Variants in CCNY observed in about 807,000 individuals in gnomAD.
CCNY encodes the protein cyclin-Y.
Under a neutral mutation model 42.8 loss-of-function variants are expected in CCNY, and 19 were observed. That is an observed-to-expected ratio of 0.44 (90% confidence interval 0.31 to 0.65). CCNY has a LOEUF of 0.65. CCNY is among the 30% of genes least tolerant of loss of function. CCNY has a pLI of 0.07. For missense variants in CCNY, 370 were observed against 437.3 expected (o/e 0.85, Z 1.37); for synonymous variants, 165 against 162.7 (o/e 1.01, Z -0.11).
intron 2 of CCNY, among the ~76,000 whole-genome samples, chr10:35,495,941 G>A (rs1169418525): frequency 6.6e-6 from 1 of 152,156 alleles, no homozygotes; most frequent in Admixed American, 6.6e-5. Context: ...AAAACTGTAG[G>A]AACTGTGTGG....
At chr10:35,373,659 A>G (rs768078001) in intron 1 of CCNY, among the ~76,000 whole-genome samples, 34 of 152,130 alleles carry the variant, frequency 2.2e-4, no homozygotes, top group Non-Finnish European at 2.9e-4. Flanking sequence ...ATAATGATCC[A>G]CTTTCACTTA....
At chr10:35,498,291 C>T (rs895594257) in intron 2 of CCNY, among the ~76,000 whole-genome samples, 3 of 152,120 alleles carry the variant, frequency 2.0e-5, no homozygotes, top group East Asian at 1.9e-4. Flanking sequence ...ATACTGTGTG[C>T]GGCATAGAGC....
chr10:35,440,253 T>C (rs924883584), intron 1 of CCNY, among the ~76,000 whole-genome samples: 1 of 152,166 alleles, frequency 6.6e-6, no homozygotes, highest in Non-Finnish European at 1.5e-5. Context: ...GATTGTCTCC[T>C]TCTTCAGCTT....
intron 1 of CCNY, among the ~76,000 whole-genome samples, chr10:35,477,671 A>G (rs931112692): frequency 6.7e-6 from 1 of 149,866 alleles, no homozygotes; most frequent in East Asian, 2.0e-4. Context: ...ACAAACCCAC[A>G]GCCAATATCA....
intron 1 of CCNY, among the ~76,000 whole-genome samples, chr10:35,481,575 G>A (rs543900786): frequency 6.6e-6 from 1 of 152,172 alleles, no homozygotes; most frequent in East Asian, 1.9e-4. Flanking sequence ...GGTAGTAGTC[G>A]CTAGTCCAGA....
chr10:35,297,464 A>C (rs752556475), intron 3 of CCNY, among the ~76,000 whole-genome samples: 33 of 152,182 alleles, frequency 2.2e-4, no homozygotes, highest in Non-Finnish European at 4.3e-4. Context: ...AACCACTCCT[A>C]TTCAATATAG....
chr10:35,466,562 G>A (rs1207351448), intron 1 of CCNY, among the ~76,000 whole-genome samples: 2 of 152,166 alleles, frequency 1.3e-5, no homozygotes, highest in Non-Finnish European at 2.9e-5. Flanking sequence ...CTTCTATCAA[G>A]CCTCACACAG....
chr10:35,505,697 A>G (rs893717875), intron 3 of CCNY, among the ~76,000 whole-genome samples: 3 of 152,218 alleles, frequency 2.0e-5, no homozygotes, highest in African/African-American at 7.2e-5. Flanking sequence ...TTATAACACC[A>G]TATACGTATG....
At chr10:35,553,890 C>T (rs1207124722) in intron 8 of CCNY, among the ~76,000 whole-genome samples, 1 of 152,096 alleles carries the variant, frequency 6.6e-6, no homozygotes, top group Non-Finnish European at 1.5e-5. Context: ...TCTCTAGGGA[C>T]TGGGAATCCA....
At position 35,530,315 on chromosome 10, in the gene CCNY, G is replaced by A. The variant is rs1392084830; in HGVS notation, c.579+72G>A. ...CAGGGCCCGTTCCTGTTACTCAGCG[G>A]AGTGAGGTTGGAGCAGGGAATCCTC... On this transcript the variant is annotated intron_variant, in intron 7 of 9. Transcript: ENST00000374704. This position sits in a 1 kb window ranked among gnomAD's most constrained non-coding sequence, Gnocchi z 4.3. 7 of 1,593,060 alleles carry A rather than the reference G, an allele frequency of 4.4e-6. No individual in the cohort carries two copies. The African/African-American group carries it at 8.0e-5, about 18-fold the overall frequency.
chr10:35,569,279 T>A lies in CCNY; in HGVS notation c.*109T>A. 7.0e-6 allele frequency: 5 copies of A among 716,970 alleles called. No individual in the cohort carries two copies. Among genetic ancestry groups the A allele is most frequent in the Non-Finnish European group, 1.2e-5 (5 of 410,300 alleles). The allele number at this position is 716,970 out of a possible 1,614,324, so 44.4% of individuals were successfully genotyped here. ...TGTTTTTTCTTTCCTTTTCTTTTTT[T>A]ACGCATAGCTCCGTCAAGCTGCCTG... On this transcript the variant is annotated 3_prime_UTR_variant, in exon 10 of 10. Coordinates refer to ENST00000374704, the MANE Select transcript of CCNY (RefSeq NM_145012.6).
At chr10:35,254,339 T>G (rs571653980) in intron 3 of CCNY, among the ~76,000 whole-genome samples, 1 of 152,336 alleles carries the variant, frequency 6.6e-6, no homozygotes, top group East Asian at 1.9e-4. Context: ...TTATTTTGGC[T>G]GCAGCTTCAT....
At chr10:35,471,328 TTTAGGTC>T (rs1287259443) in intron 1 of CCNY, among the ~76,000 whole-genome samples, 5 of 152,202 alleles carry the variant, frequency 3.3e-5, no homozygotes, top group Admixed American at 6.5e-5. Context: ...TCCAGTGCTG[TTTAGGTC>T]TTACTGTGCT....
At chr10:35,368,271 A>T (rs1836852587) in intron 1 of CCNY, among the ~76,000 whole-genome samples, 1 of 152,150 alleles carries the variant, frequency 6.6e-6, no homozygotes, top group Admixed American at 6.5e-5. Context: ...TTCCATCCTC[A>T]GCTTTAGTAT....
intron 1 of CCNY, among the ~76,000 whole-genome samples, chr10:35,463,136 C>G (rs773370459): frequency 1.4e-4 from 22 of 152,204 alleles, no homozygotes; most frequent in Non-Finnish European, 2.8e-4. Flanking sequence ...GTTCTGCATT[C>G]AGATGTGCTA....
At chr10:35,329,684 G>C (rs963472490) in intron 3 of CCNY, among the ~76,000 whole-genome samples, 1 of 152,312 alleles carries the variant, frequency 6.6e-6, no homozygotes, top group Non-Finnish European at 1.5e-5. Context: ...CAGAGGTGGG[G>C]AGGAATGGTG....
chr10:35,407,161 T>C (rs1039848566), intron 1 of CCNY, among the ~76,000 whole-genome samples: 4 of 152,046 alleles, frequency 2.6e-5, no homozygotes, highest in Non-Finnish European at 5.9e-5. Flanking sequence ...AGCCACCTCT[T>C]TAAGAGGAAA....
chr10:35,337,327 G>C, intron 1 of CCNY, 120 bp downstream of exon 1: 4 of 1,074,350 alleles, frequency 3.7e-6, no homozygotes, highest in South Asian at 2.0e-5. Context: ...GCATAACCGG[G>C]GCTTCGCCCG....
chr10:35,371,862 G>A (rs1245531508), intron 1 of CCNY, among the ~76,000 whole-genome samples: 3 of 152,228 alleles, frequency 2.0e-5, no homozygotes, highest in Non-Finnish European at 4.4e-5. Flanking sequence ...GCAATTCTGA[G>A]TTCTTAAGCA....
Sources: allele counts gnomAD v4.1 joint callset (sites outside exome capture counted in the v4.1 genomes callset), GRCh38; gene constraint gnomAD v4.1.1; non-coding constraint Gnocchi (gnomAD v3.1); transcripts MANE v1.5; gene names NCBI Gene and HGNC (gene_info 2026-07-23, HGNC 2026-07-21).